MYO1B: variants seen among roughly 807,000 people sequenced by gnomAD.
MYO1B encodes the protein myosin IB, also known as unconventional myosin-Ib.
MYO1B carries 72 observed loss-of-function variants against 159.7 expected under a neutral mutation model. That is an observed-to-expected ratio of 0.45 (90% CI 0.37 to 0.55). The LOEUF (loss-of-function observed/expected upper bound fraction) is 0.55. Among genes scored for constraint, MYO1B ranks in the 20% least tolerant of loss-of-function variants. The pLI is 0.00. For missense variants in MYO1B, 1,062 were observed against 1,364.8 expected, an observed-to-expected ratio of 0.78 and a Z score of 3.50; for synonymous variants, 468 against 473.8, an observed-to-expected ratio of 0.99 and a Z score of 0.16.
chr2:191,284,324 G>T (rs1688239099), intron 2 of MYO1B, among the ~76,000 whole-genome samples: 1 of 152,168 alleles, frequency 6.6e-6, no homozygotes, highest in African/African-American at 2.4e-5. Flanking sequence ...CTATTTTGTT[G>T]TTCAAATTCT....
chr2:191,416,228 T>C lies in MYO1B; in HGVS notation c.3273T>C (p.Ile1091=). Reference sequence around the variant, plus strand: ...GCCAAACCAAACAGAAGCTCAATATTGAGATTTCCGATGAGTACGTTCATG... The same window carrying C: ...GCCAAACCAAACAGAAGCTCAATATCGAGATTTCCGATGAGTACGTTCATG... ...TLSQTKQKLN[I]EISDEFLVQF... is the part of the protein sequence containing the mutation. The change falls in exon 30 of 31, where the codon ATT becomes ATC. Residue 1091 remains isoleucine (I), a synonymous_variant. Transcript: ENST00000392318. 6.2e-7 allele frequency: 1 copy of C among 1,611,396 alleles called. No homozygotes were observed. The highest frequency in any genetic ancestry group is 1.1e-5 in the South Asian group (1 of 91,026).
chr2:191,368,385 G>T (rs1694145895), intron 11 of MYO1B, among the ~76,000 whole-genome samples: 1 of 152,092 alleles, frequency 6.6e-6, no homozygotes, highest in African/African-American at 2.4e-5. Flanking sequence ...TCCTTGTTAG[G>T]CTGCTGACAC....
At chr2:191,292,528 C>G (rs1428445612) in intron 2 of MYO1B, among the ~76,000 whole-genome samples, 1 of 152,036 alleles carries the variant, frequency 6.6e-6, no homozygotes, top group African/African-American at 2.4e-5. Context: ...GTTGTGAAGA[C>G]CAAAGTTTTA....
intron 24 of MYO1B, 129 bp downstream of exon 24, chr2:191,402,847 ATTTTGTACC>A: frequency 1.5e-6 from 1 of 652,116 alleles, no homozygotes; most frequent in East Asian, 3.1e-5. Context: ...ATCTTGCTTA[ATTTTGTACC>A]TTTTTCAGAA....
In MYO1B at chr2:191,392,267, T is replaced by C. The variant is rs1695801803; in HGVS notation, c.2076+66T>C. ...ATCGTATAGGAAAGTTCTTAAAATA[T>C]GTTTAACTTTATAACATTATATGAG... On this transcript the variant is annotated intron_variant, in intron 19 of 30. Transcript: ENST00000392318. 6 of 1,219,034 alleles carry C rather than the reference T, an allele frequency of 4.9e-6. No individual in the cohort carries two copies. The East Asian group carries it at 1.2e-4, about 24-fold the overall frequency. 75.5% of individuals were successfully genotyped at this position (1,219,034 alleles called of 1,614,324 possible).
intron 7 of MYO1B, among the ~76,000 whole-genome samples, chr2:191,350,970 AC>A (rs1692880680): frequency 6.6e-6 from 1 of 152,070 alleles, no homozygotes; most frequent in African/African-American, 2.4e-5. Flanking sequence ...CCACAGCACA[AC>A]CCTGATGTCC....
intron 8 of MYO1B, 27 bp from the exon 9 acceptor site, chr2:191,362,241 T>A: frequency 6.4e-7 from 1 of 1,568,904 alleles, no homozygotes; most frequent in Non-Finnish European, 8.8e-7. Flanking sequence ...TGAAGCAACT[T>A]AACAACTTGT....
intron 4 of MYO1B, among the ~76,000 whole-genome samples, chr2:191,340,769 A>G (rs569170413): frequency 1.3e-5 from 2 of 152,100 alleles, no homozygotes; most frequent in African/African-American, 4.8e-5. Context: ...TCTGTTGCCA[A>G]GGCTGGAGTG....
chr2:191,387,221 T>C lies in MYO1B; in HGVS notation c.1555-3T>C. ...GTCATTGAGTTACATGTGCTGCTTA[T>C]AGGTGCTGTACCAGGTGGAAGGATT... On this transcript the variant is annotated splice_polypyrimidine_tract_variant and splice_region_variant and intron_variant, in intron 16 of 30. Transcript: ENST00000392318. 1 of 1,612,716 alleles carries C rather than the reference T, an allele frequency of 6.2e-7. No individual in the cohort carries two copies. The highest frequency in any genetic ancestry group is 8.5e-7 in the Non-Finnish European group (1 of 1,178,940).
intron 19 of MYO1B, 71 bp downstream of exon 19, chr2:191,392,272 A>G: frequency 8.7e-7 from 1 of 1,149,132 alleles, no homozygotes; most frequent in Non-Finnish European, 1.3e-6. Context: ...AAATATGTTT[A>G]ACTTTATAAC....
chr2:191,261,677 G>A (rs908654392), intron 1 of MYO1B, among the ~76,000 whole-genome samples: 3 of 152,138 alleles, frequency 2.0e-5, no homozygotes, highest in Admixed American at 6.6e-5. Context: ...ACGTAGAGAG[G>A]GGTATGGGGC....
chr2:191,400,875 C>T (rs764563112), intron 23 of MYO1B, 40 bp downstream of exon 23: 6 of 1,584,906 alleles, frequency 3.8e-6, no homozygotes, highest in Non-Finnish European at 5.2e-6. Context: ...TCCTGGAATT[C>T]TGCAATAATC....
At chr2:191,307,858 A>G (rs1057230721) in intron 3 of MYO1B, among the ~76,000 whole-genome samples, 3 of 152,182 alleles carry the variant, frequency 2.0e-5, no homozygotes, top group African/African-American at 7.2e-5. Flanking sequence ...GGAACAGTCC[A>G]GTGGAAGAGC....
intron 4 of MYO1B, 41 bp downstream of exon 4, chr2:191,330,070 G>T: frequency 6.4e-7 from 1 of 1,563,414 alleles, no homozygotes; most frequent in East Asian, 2.3e-5. Context: ...GGTAAATGCT[G>T]CACAGAATGA....
intron 7 of MYO1B, 63 bp downstream of exon 7, chr2:191,350,288 G>T: frequency 8.2e-7 from 1 of 1,212,850 alleles, no homozygotes; most frequent in Non-Finnish European, 1.2e-6. Context: ...ATTTATAGTA[G>T]AATAGTTTAG....
intron 3 of MYO1B, among the ~76,000 whole-genome samples, chr2:191,329,207 C>G (rs1691299775): frequency 6.6e-6 from 1 of 152,278 alleles, no homozygotes; most frequent in East Asian, 1.9e-4. Flanking sequence ...GACCACTGCT[C>G]TGGCCTTACT....
chr2:191,399,470 G>A (rs1124536), intron 21 of MYO1B, among the ~76,000 whole-genome samples: 1 of 152,226 alleles, frequency 6.6e-6, no homozygotes, highest in East Asian at 1.9e-4. Context: ...GCGATAGACT[G>A]TGTGACCTTC....
intron 4 of MYO1B, among the ~76,000 whole-genome samples, chr2:191,333,720 T>G (rs1281186576): frequency 1.3e-5 from 2 of 152,210 alleles, no homozygotes; most frequent in African/African-American, 4.8e-5. Context: ...TCTCTGTCTC[T>G]GCCTCTGTCT....
Position 191,360,701 on chromosome 2 carries a change from GCT to G in MYO1B, c.638_639del (p.Ser213TrpfsTer4). On this transcript the variant is annotated frameshift_variant, in exon 8 of 31. Coordinates refer to ENST00000392318, the MANE Select transcript of MYO1B (RefSeq NM_001130158.3). LOFTEE classifies it high-confidence loss of function. ...ERNFHVFYQL[L>X]SGASEELLNK... Reference sequence around the variant, plus strand: ...GAAACTTCCATGTGTTCTATCAGCTGCTCTCTGGTGCCTCTGAAGAGCTCCTC... The same window carrying G: ...GAAACTTCCATGTGTTCTATCAGCTGCTCTGGTGCCTCTGAAGAGCTCCTC... The G allele has an allele frequency of 6.2e-7, 1 of 1,612,960 alleles. No homozygotes were observed. The highest frequency in any genetic ancestry group is 1.3e-5 in the African/African-American group (1 of 74,976).
Sources: allele counts gnomAD v4.1 joint callset (sites outside exome capture counted in the v4.1 genomes callset), GRCh38; gene constraint gnomAD v4.1.1; transcripts MANE v1.5; gene names NCBI Gene and HGNC (gene_info 2026-07-23, HGNC 2026-07-21).